LMF1: variants seen among roughly 807,000 people sequenced by gnomAD.
LMF1 encodes the protein transmembrane protein 112.
In LMF1, 68 loss-of-function variants were observed where a neutral mutation model predicts 60.6. The observed-to-expected ratio is 1.12, with a 90% CI of 0.92 to 1.37. The LOEUF (loss-of-function observed/expected upper bound fraction) is 1.37, where lower values mean the gene tolerates loss of function less well. Among genes scored for constraint, LMF1 ranks in the 40% most tolerant of loss-of-function variants. LMF1 has a pLI of 0.00. For synonymous variants in LMF1, 418 were observed against 324.7 expected, an observed-to-expected ratio of 1.29 and a Z score of -3.09; for missense variants, 948 against 767.2, an observed-to-expected ratio of 1.24 and a Z score of -2.78.
chr16:854,937 G>A (rs1037637001), intron 10 of LMF1: 11 of 586,590 alleles, frequency 1.9e-5, no homozygotes, highest in East Asian at 8.6e-5. Context: ...AAGGGCGGAC[G>A]GGGGGCAGCT....
chr16:881,528 G>C (rs2070163046), intron 5 of LMF1: 1 of 152,300 alleles, frequency 6.6e-6, no homozygotes, highest in Non-Finnish European at 1.5e-5. Flanking sequence ...TTTTAAATAA[G>C]AAAAACATGA....
Position 962,832 on chromosome 16 carries a change from T to A in LMF1, c.193+7956A>T, listed in dbSNP as rs1462183372. Among the ~76,000 whole-genome samples, 3 of 152,098 alleles carry A rather than the reference T, an allele frequency of 2.0e-5. No homozygotes were observed. Among genetic ancestry groups the A allele is most frequent in the Non-Finnish European group, 2.9e-5 (2 of 67,998 alleles). ...AATAGTTTTATTTTTAATAAAAAAA[T>A]TTTAAAAAGTAAAGGTTTCTCGAAG... On this transcript the variant is annotated intron_variant, in intron 1 of 10. Coordinates refer to ENST00000262301, the MANE Select transcript of LMF1 (RefSeq NM_022773.4). This position sits in a 1 kb window ranked among gnomAD's most constrained non-coding sequence, Gnocchi z 4.5.
At chr16:879,304 A>G (rs921276075) in intron 6 of LMF1, among the ~76,000 whole-genome samples, 1 of 152,184 alleles carries the variant, frequency 6.6e-6, no homozygotes, top group Non-Finnish European at 1.5e-5. Context: ...AGCCCAGGAC[A>G]TGGCCGGGCC....
intron 2 of LMF1, among the ~76,000 whole-genome samples, chr16:935,891 C>G (rs7202647): frequency 1.3e-5 from 2 of 152,182 alleles, no homozygotes; most frequent in Middle Eastern, 3.4e-3. Context: ...CAAACGACAT[C>G]TGAGCCGTGG....
At chr16:934,763 G>C (rs897433695) in intron 2 of LMF1, among the ~76,000 whole-genome samples, 1 of 152,252 alleles carries the variant, frequency 6.6e-6, no homozygotes, top group Non-Finnish European at 1.5e-5. Context: ...TCAGACAGCA[G>C]AGGCGTGGGC....
chr16:855,296 C>T (rs2069155057), intron 10 of LMF1: 3 of 265,258 alleles, frequency 1.1e-5, no homozygotes, highest in Non-Finnish European at 2.2e-5. Context: ...TGGCTGCTCT[C>T]CTCTGTCATG....
chr16:969,659 G>A (rs1273278573), intron 1 of LMF1, among the ~76,000 whole-genome samples: 1 of 152,240 alleles, frequency 6.6e-6, no homozygotes, highest in African/African-American at 2.4e-5. Flanking sequence ...CAACCAACGC[G>A]TGGGCAACGC....
rs2071327978 is a variant in LMF1, at chr16:917,971, C to T, written c.515-6892G>A. Among the ~76,000 whole-genome samples, 3 of 152,348 alleles carry T rather than the reference C, an allele frequency of 2.0e-5. No individual in the cohort carries two copies. In the South Asian group the frequency reaches 6.2e-4, roughly 32 times the overall value. On this transcript the variant is annotated intron_variant, in intron 3 of 10. Coordinates refer to ENST00000262301, the MANE Select transcript of LMF1 (RefSeq NM_022773.4). ...GTCCTGAGGACGTTTCACAGGAGGG[C>T]CGCCCTTCTGCTGCCCGCAAGACAT...
intron 1 of LMF1, among the ~76,000 whole-genome samples, chr16:969,602 G>A (rs2072998161): frequency 1.3e-5 from 2 of 152,250 alleles, no homozygotes; most frequent in African/African-American, 2.4e-5. Flanking sequence ...ACACGTGAGG[G>A]AAGCAGACGA....
intron 10 of LMF1, among the ~76,000 whole-genome samples, chr16:867,086 C>G (rs1333780303): frequency 6.6e-6 from 1 of 152,160 alleles, no homozygotes; most frequent in African/African-American, 2.4e-5. Context: ...TAGCCACAGC[C>G]TGTCATGGTA....
chr16:948,705 GAGACAACGACAGAGTC>G lies in LMF1; in HGVS notation c.503+5636_503+5651del, dbSNP rs1306342797. Among the ~76,000 whole-genome samples the G allele has an allele frequency of 1.3e-4, 13 of 99,454 alleles. 1 individual carries two copies. The highest frequency in any genetic ancestry group is 1.7e-4 in the Non-Finnish European group (8 of 48,418). 65.2% of individuals were successfully genotyped at this position (99,454 alleles called of 152,430 possible). A position where few individuals can be genotyped will look rare whatever the true frequency, so the allele number is the denominator to read the frequency against. ...ACAGAGTCAGCCAACGACAGAATCA[GAGACAACGACAGAGTC>G]AGCCAATGACAGAGTCAGAGACGAC... On this transcript the variant is annotated intron_variant, in intron 2 of 10. Transcript: ENST00000262301.
chr16:909,534 C>G (rs2071053818), intron 4 of LMF1, among the ~76,000 whole-genome samples: 1 of 152,048 alleles, frequency 6.6e-6, no homozygotes, highest in Non-Finnish European at 1.5e-5. Flanking sequence ...CACGCTATAC[C>G]AAGCCACGCT....
At chr16:924,610 C>T (rs770130219) in intron 3 of LMF1, among the ~76,000 whole-genome samples, 6 of 152,098 alleles carry the variant, frequency 3.9e-5, no homozygotes, top group African/African-American at 7.2e-5. Flanking sequence ...CAGGGGCAGC[C>T]GGGGGTCTCA....
chr16:938,997 C>T (rs544622837), intron 2 of LMF1, among the ~76,000 whole-genome samples: 2 of 152,168 alleles, frequency 1.3e-5, no homozygotes, highest in African/African-American at 2.4e-5. Context: ...GGGATGCGGC[C>T]AAGGGGTTAC....
In LMF1 at chr16:897,703, C is replaced by T. The variant is rs751194138; in HGVS notation, c.664-4631G>A. On this transcript the variant is annotated intron_variant, in intron 4 of 10. Coordinates refer to ENST00000262301, the MANE Select transcript of LMF1 (RefSeq NM_022773.4). The surrounding 1 kb of genome is among the most constrained non-coding windows in gnomAD (Gnocchi z 4.3). ...AAACCGTGTCTCAGGGTGAAGGGAC[C>T]GCTGGTGGGCTCCGTGGGCAGAGGC... 1.2e-4 allele frequency among the ~76,000 whole-genome samples: 19 copies of T among 152,112 alleles called. No individual in the cohort carries two copies. The highest frequency in any genetic ancestry group is 2.1e-4 in the South Asian group (1 of 4,814).
Position 870,048 on chromosome 16 carries a change from C to T in LMF1, c.1251G>A (p.Ala417=), listed in dbSNP as rs534939246. 2.7e-5 allele frequency: 43 copies of T among 1,610,346 alleles called. No individual in the cohort carries two copies. The highest frequency in any genetic ancestry group is 6.6e-5 in the South Asian group (6 of 91,056). Reference sequence around the variant, plus strand: ...TGGCTGTGCCCTGCAGGATCACCTCCGCCCGCTCCTTGGTGATGCTGCCGG... The same window carrying T: ...TGGCTGTGCCCTGCAGGATCACCTCTGCCCGCTCCTTGGTGATGCTGCCGG... ...GAFGSITKER[A]EVILQGTASS... The change falls in exon 9 of 11, where the codon GCG becomes GCA. Residue 417 remains alanine (A), a synonymous_variant. Transcript: ENST00000262301.
rs1366938823 is a variant in LMF1 at position 948,506 on chromosome 16, C to T, written c.503+5851G>A. On this transcript the variant is annotated intron_variant, in intron 2 of 10. Transcript: ENST00000262301. ...CAGAGCCAATGACAGAGTCAGCCAA[C>T]GACAGAGTCAGAGCCAACGACAGAG... 3.1e-3 allele frequency among the ~76,000 whole-genome samples: 456 copies of T among 148,288 alleles called. 2 individuals are homozygous for T. Among genetic ancestry groups the T allele is most frequent in the Non-Finnish European group, 5.0e-3 (338 of 67,320 alleles).
intron 4 of LMF1, chr16:893,361 T>C (rs4984707): frequency 0.39 from 214,067 of 544,568 alleles, 48,138 homozygotes; most frequent in African/African-American, 0.69. Flanking sequence ...CCACGCATCA[T>C]CACGCTACAG....
At chr16:907,985 G>A (rs1293964116) in intron 4 of LMF1, among the ~76,000 whole-genome samples, 1 of 152,206 alleles carries the variant, frequency 6.6e-6, no homozygotes, top group African/African-American at 2.4e-5. Flanking sequence ...CAGGAGCTTT[G>A]CATACAACCG....
Sources: allele counts gnomAD v4.1 joint callset (sites outside exome capture counted in the v4.1 genomes callset), GRCh38; gene constraint gnomAD v4.1.1; non-coding constraint Gnocchi (gnomAD v3.1); transcripts MANE v1.5; gene names NCBI Gene and HGNC (gene_info 2026-07-23, HGNC 2026-07-21).